The following MAN2B1 variants were observed in gnomAD, a reference collection of about 807,000 sequenced individuals.
MAN2B1 encodes the protein mannosidase alpha class 2B member 1.
MAN2B1 carries 99 observed loss-of-function variants against 127.5 expected under a neutral mutation model. The observed-to-expected ratio is 0.78, with a 90% confidence interval of 0.66 to 0.92. The LOEUF (loss-of-function observed/expected upper bound fraction) is 0.92. Among genes scored for constraint, MAN2B1 ranks in the 40% least tolerant of loss-of-function variants. MAN2B1 has a pLI of 0.00. For missense variants in MAN2B1, 1,304 were observed against 1,384.8 expected, an observed-to-expected ratio of 0.94 and a Z score of 0.93; for synonymous variants, 573 against 568.8, an observed-to-expected ratio of 1.01 and a Z score of -0.11.
intron 6 of MAN2B1, 121 bp from the exon 7 acceptor site, chr19:12,661,497 CT>C (rs2024105372): frequency 1.3e-6 from 1 of 762,276 alleles, no homozygotes; most frequent in Admixed American, 1.7e-5. Flanking sequence ...GGGTATGGCA[CT>C]TGGGAGCGTG....
At chr19:12,653,660 G>A (rs1391244855) in intron 14 of MAN2B1, among the ~76,000 whole-genome samples, 1 of 151,918 alleles carries the variant, frequency 6.6e-6, no homozygotes, top group Non-Finnish European at 1.5e-5. Context: ...TGTTGCCTGG[G>A]GCTAGTGTCC....
At chr19:12,666,487 T>C (rs935278223) in intron 1 of MAN2B1, 56 bp downstream of exon 1, 5 of 1,548,214 alleles carry the variant, frequency 3.2e-6, no homozygotes, top group Admixed American at 2.0e-5. Context: ...ACCTCTAGAC[T>C]GTATTCTGGG....
chr19:12,646,545 C>T lies in MAN2B1; in HGVS notation c.*75G>A. 8.8e-7 allele frequency: 1 copy of T among 1,132,024 alleles called. No individual in the cohort carries two copies. The highest frequency in any genetic ancestry group is 1.8e-5 in the Admixed American group (1 of 56,910). 70.1% of individuals were successfully genotyped at this position (1,132,024 alleles called of 1,614,324 possible). On this transcript the variant is annotated 3_prime_UTR_variant, in exon 24 of 24. Transcript: ENST00000456935. ...AGTAGTAGCGTTTTAATGGCAGCAG[C>T]CCCAAGAGGAGAGTCAGAGTCTGGT...
Position 12,658,387 on chromosome 19 carries a change from G to T in MAN2B1, c.1109+41C>A, listed in dbSNP as rs200862799. The T allele has an allele frequency of 6.4e-4, 1,028 of 1,614,076 alleles. 9 individuals are homozygous for T. Among genetic ancestry groups the T allele is most frequent in the Admixed American group, 1.2e-3 (72 of 59,990 alleles). On this transcript the variant is annotated intron_variant, in intron 8 of 23. Coordinates refer to ENST00000456935, the MANE Select transcript of MAN2B1 (RefSeq NM_000528.4). ...TTGAGGGCAGGGTCATGACCCACGGGGCATGCCAACCCCCCCAAGCTCCCC... is the reference window on the plus strand; with the variant it reads ...TTGAGGGCAGGGTCATGACCCACGGTGCATGCCAACCCCCCCAAGCTCCCC...
rs145854231 is a variant in MAN2B1, at chr19:12,662,966, A to G, written c.909+351T>C. 2.4e-3 allele frequency among the ~76,000 whole-genome samples: 353 copies of G among 147,704 alleles called. 4 individuals are homozygous for G. The highest frequency in any genetic ancestry group is 8.2e-3 in the African/African-American group (326 of 39,776). On this transcript the variant is annotated intron_variant, in intron 6 of 23. Transcript: ENST00000456935. ...AAAAAAAAAATAATAATAAATAAAT[A>G]AAAATGTTAAAAATAGAGGCCAGGT...
At chr19:12,649,015 A>C in intron 20 of MAN2B1, 121 bp downstream of exon 20, 5 of 806,252 alleles carry the variant, frequency 6.2e-6, no homozygotes, top group Non-Finnish European at 1.0e-5. Context: ...AAAAGAAAGA[A>C]ACGGAGTCCT....
chr19:12,661,122 T>C (rs1301860404), intron 7 of MAN2B1, 138 bp downstream of exon 7: 1 of 728,668 alleles, frequency 1.4e-6, no homozygotes, highest in Non-Finnish European at 2.5e-6. Flanking sequence ...AGCTGCTAAG[T>C]GTGTGGTCAT....
rs1394625602 is a variant in MAN2B1, at chr19:12,647,586, G to C, written c.2677C>G (p.Arg893Gly). 1.2e-6 allele frequency: 2 copies of C among 1,613,530 alleles called. No individual in the cohort carries two copies. The highest frequency in any genetic ancestry group is 2.2e-5 in the South Asian group (2 of 91,042). Residue 893 changes from arginine to glycine, a missense_variant, in exon 22 of 24, where the codon CGC (arginine) becomes GGC (glycine). By Grantham distance (125) the Arg-to-Gly change is moderately radical. Transcript: ENST00000456935. This position sits in a 1 kb window ranked among gnomAD's most constrained non-coding sequence, Gnocchi z 4.9. The part of the protein sequence containing the change: ...APPRTQFSGL[R>G]RDLPPSVHLL... ...TGCACCGAGGGCGGCAGGTCCCTGC[G>C]CAGCCCTGAGAACTGCGGGAGAGAG...
intron 7 of MAN2B1, chr19:12,660,965 G>A (rs2024088955): frequency 2.7e-6 from 1 of 364,440 alleles, no homozygotes; most frequent in Non-Finnish European, 5.4e-6. Flanking sequence ...CACCATGTTG[G>A]TCAGGCTGGT....
At chr19:12,662,863 G>A (rs113409648) in intron 6 of MAN2B1, among the ~76,000 whole-genome samples, 6,738 of 148,902 alleles carry the variant, frequency 0.045, 377 homozygotes, top group African/African-American at 0.14. Flanking sequence ...GCTTGAACCC[G>A]GGAGGCGGAG....
chr19:12,657,752 G>A (rs1041081568), intron 10 of MAN2B1, 197 bp from the exon 11 acceptor site: 20 of 631,720 alleles, frequency 3.2e-5, no homozygotes, highest in East Asian at 1.4e-4. Flanking sequence ...AGGTCAGATC[G>A]AGACCATCCT....
At chr19:12,653,850 C>G (rs1389862221) in intron 14 of MAN2B1, among the ~76,000 whole-genome samples, 1 of 151,886 alleles carries the variant, frequency 6.6e-6, no homozygotes, top group African/African-American at 2.4e-5. Flanking sequence ...TCCCGAGTAG[C>G]TAGGACTACA....
At chr19:12,650,520 G>A (rs1287180101) in intron 16 of MAN2B1, among the ~76,000 whole-genome samples, 7 of 151,504 alleles carry the variant, frequency 4.6e-5, no homozygotes, top group East Asian at 1.9e-4. Flanking sequence ...CACCACACCC[G>A]GCTAATTTTT....
chr19:12,660,538 A>C (rs1428991033), intron 7 of MAN2B1, among the ~76,000 whole-genome samples: 2 of 152,096 alleles, frequency 1.3e-5, no homozygotes, highest in African/African-American at 2.4e-5. Context: ...GAGAGGCAGA[A>C]GAGGTGAGAA....
intron 1 of MAN2B1, 58 bp downstream of exon 1, chr19:12,666,485 A>G (rs2024245359): frequency 1.3e-6 from 2 of 1,545,496 alleles, no homozygotes; most frequent in South Asian, 2.4e-5. Flanking sequence ...ACACCTCTAG[A>G]CTGTATTCTG....
chr19:12,665,602 C>G, intron 2 of MAN2B1, 77 bp from the exon 3 acceptor site: 1 of 1,597,972 alleles, frequency 6.3e-7, no homozygotes, highest in South Asian at 1.1e-5. Context: ...AGCCCAAACC[C>G]TGGATATTAG....
intron 14 of MAN2B1, among the ~76,000 whole-genome samples, chr19:12,652,903 C>G (rs2023875104): frequency 6.6e-6 from 1 of 150,514 alleles, no homozygotes; most frequent in Non-Finnish European, 1.5e-5. Flanking sequence ...GGCGCAATCT[C>G]TGCTCACTAC....
chr19:12,646,798 C>A, intron 23 of MAN2B1, 66 bp from the exon 24 acceptor site: 1 of 1,136,850 alleles, frequency 8.8e-7, no homozygotes, highest in Non-Finnish European at 1.3e-6. Context: ...CCCCACGATG[C>A]TTCCTCCCCT....
intron 14 of MAN2B1, among the ~76,000 whole-genome samples, chr19:12,653,276 A>G (rs924633520): frequency 2.0e-5 from 3 of 151,148 alleles, no homozygotes; most frequent in South Asian, 4.2e-4. Flanking sequence ...CCTCCTGAAT[A>G]GCTGGGACTA....
Sources: allele counts gnomAD v4.1 joint callset (sites outside exome capture counted in the v4.1 genomes callset), GRCh38; gene constraint gnomAD v4.1.1; non-coding constraint Gnocchi (gnomAD v3.1); transcripts MANE v1.5; gene names NCBI Gene and HGNC (gene_info 2026-07-23, HGNC 2026-07-21).